SLCO3A1: variants seen among roughly 807,000 people sequenced by gnomAD.
The protein encoded by SLCO3A1 is solute carrier organic anion transporter family member 3A1.
Under a neutral mutation model 63.1 loss-of-function variants are expected in SLCO3A1, and 27 were observed. The observed-to-expected ratio is 0.43, with a 90% confidence interval of 0.32 to 0.59. The LOEUF is 0.59. SLCO3A1 is among the 20% of genes least tolerant of loss of function. The pLI is 0.09. For missense variants in SLCO3A1, 773 were observed against 945.8 expected (o/e 0.82, Z 2.40); for synonymous variants, 473 against 409.9 (o/e 1.15, Z -1.86).
intron 2 of SLCO3A1, among the ~76,000 whole-genome samples, chr15:92,029,507 G>A (rs904223887): frequency 1.1e-4 from 17 of 152,310 alleles, no homozygotes; most frequent in Admixed American, 4.6e-4. Context: ...AGACTCATGT[G>A]AACATTTGTT....
rs747889224 is a variant in SLCO3A1 at position 91,880,397 on chromosome 15, C to CTGTGTGTGTGTGTGTGTG, written c.180+26310_180+26311insGTGTGTGTGTGTGTGTGT. The stretch of plus-strand genomic sequence containing the variant: ...CACTCGTGCTTCTCTCTCTCTCTCT[C>CTGTGTGTGTGTGTGTGTG]TCTCTCTCTCTCTGTGTGTGTGTGT... On this transcript the variant is annotated intron_variant, in intron 1 of 9. Transcript: ENST00000318445. 1.9e-3 allele frequency among the ~76,000 whole-genome samples: 178 copies of CTGTGTGTGTGTGTGTGTG among 94,192 alleles called. 1 individual carries two copies. The highest frequency in any genetic ancestry group is 5.7e-3 in the African/African-American group (169 of 29,640). 61.8% of individuals were successfully genotyped at this position (94,192 alleles called of 152,430 possible).
rs1407581669 is a variant in SLCO3A1 at position 91,885,646 on chromosome 15, T to C, written c.181-30347T>C. On this transcript the variant is annotated intron_variant, in intron 1 of 9. Transcript: ENST00000318445. The surrounding 1 kb of genome is among the most constrained non-coding windows in gnomAD (Gnocchi z 4.7). ...TGATGGCCCTTGAACAAGTGCATCATTCTCTGTCCTTGATTTCATTCACAG... is the reference window on the plus strand; with the variant it reads ...TGATGGCCCTTGAACAAGTGCATCACTCTCTGTCCTTGATTTCATTCACAG... Among the ~76,000 whole-genome samples the C allele has an allele frequency of 2.0e-5, 3 of 152,224 alleles. No individual in the cohort carries two copies. Among genetic ancestry groups the C allele is most frequent in the African/African-American group, 7.2e-5 (3 of 41,456 alleles).
chr15:92,063,295 G>T (rs1398266576), intron 2 of SLCO3A1, among the ~76,000 whole-genome samples: 1 of 152,164 alleles, frequency 6.6e-6, no homozygotes, highest in Non-Finnish European at 1.5e-5. Context: ...ACCCATTTCA[G>T]TCCAAACCCT....
chr15:92,068,337 C>T (rs1468237922), intron 2 of SLCO3A1, among the ~76,000 whole-genome samples: 1 of 151,256 alleles, frequency 6.6e-6, no homozygotes, highest in Non-Finnish European at 1.5e-5. Flanking sequence ...CACCTTACTC[C>T]CACTTTCAGA....
intron 7 of SLCO3A1, among the ~76,000 whole-genome samples, chr15:92,145,155 G>A (rs1448739766): frequency 6.6e-6 from 1 of 152,142 alleles, no homozygotes. Context: ...GGGATATGGA[G>A]CCCACTGAAG....
intron 2 of SLCO3A1, among the ~76,000 whole-genome samples, chr15:92,034,870 G>C (rs532663644): frequency 4.8e-4 from 73 of 152,074 alleles, no homozygotes; most frequent in Non-Finnish European, 9.6e-4. Context: ...CGTTAGTACT[G>C]ATAGCTCTAA....
intron 1 of SLCO3A1, among the ~76,000 whole-genome samples, chr15:91,880,123 GTCCGTCCGTCCA>G (rs1193614937): frequency 3.8e-4 from 44 of 117,316 alleles, no homozygotes; most frequent in Non-Finnish European, 5.5e-4. Flanking sequence ...CCGTCCGTCC[GTCCGTCCGTCCA>G]TCCATCCATC....
chr15:92,057,467 G>A (rs1282760188), intron 2 of SLCO3A1, among the ~76,000 whole-genome samples: 1 of 152,206 alleles, frequency 6.6e-6, no homozygotes, highest in Non-Finnish European at 1.5e-5. Flanking sequence ...AAAATACAGT[G>A]GATTTTCACT....
At chr15:92,129,598 A>C (rs1038177366) in intron 7 of SLCO3A1, among the ~76,000 whole-genome samples, 6 of 152,196 alleles carry the variant, frequency 3.9e-5, no homozygotes, top group Non-Finnish European at 8.8e-5. Context: ...TTTCTTAAGC[A>C]AGGGCCAGCA....
At chr15:92,019,469 G>A (rs533136805) in intron 2 of SLCO3A1, among the ~76,000 whole-genome samples, 2 of 152,292 alleles carry the variant, frequency 1.3e-5, no homozygotes, top group South Asian at 2.1e-4. Flanking sequence ...TATAAGCTTC[G>A]TTAATCACTG....
intron 2 of SLCO3A1, among the ~76,000 whole-genome samples, chr15:91,966,992 ATTT>A (rs879943866): frequency 6.8e-6 from 1 of 147,232 alleles, no homozygotes; most frequent in East Asian, 2.0e-4. Context: ...TTTTTTGGGG[ATTT>A]TTTTTTTTGA....
chr15:91,945,148 C>G (rs989578472), intron 2 of SLCO3A1, among the ~76,000 whole-genome samples: 2 of 151,984 alleles, frequency 1.3e-5, no homozygotes, highest in African/African-American at 2.4e-5. Context: ...TTCGAGACAC[C>G]CTGACCAACA....
Position 91,854,242 on chromosome 15 carries a change from C to G in SLCO3A1, c.180+154C>G. ...TGGCGAGTGGTGCAGAGGCGGCCGC[C>G]GGGGGAGCTGCCGGCCGGGGCTGCC... On this transcript the variant is annotated intron_variant, in intron 1 of 9. Transcript: ENST00000318445. The surrounding 1 kb of genome is among the most constrained non-coding windows in gnomAD (Gnocchi z 6.4). 9.3e-7 allele frequency: 1 copy of G among 1,075,540 alleles called. No individual in the cohort carries two copies. The highest frequency in any genetic ancestry group is 1.2e-6 in the Non-Finnish European group (1 of 863,758). The allele number at this position is 1,075,540 out of a possible 1,614,324, so 66.6% of individuals were successfully genotyped here. A position where few individuals can be genotyped will look rare whatever the true frequency, so the allele number is the denominator to read the frequency against.
chr15:91,937,231 T>TA (rs1380254630), intron 2 of SLCO3A1, among the ~76,000 whole-genome samples: 1 of 152,196 alleles, frequency 6.6e-6, no homozygotes, highest in Admixed American at 6.5e-5. Flanking sequence ...ATGGCGTTAA[T>TA]AAGGACTCCT....
At chr15:92,086,702 G>A (rs375962285) in intron 2 of SLCO3A1, among the ~76,000 whole-genome samples, 2 of 152,050 alleles carry the variant, frequency 1.3e-5, no homozygotes, top group South Asian at 2.1e-4. Context: ...TCAGCCGGGC[G>A]CAGTGGCTCA....
chr15:91,858,123 T>A (rs1231653912), intron 1 of SLCO3A1, among the ~76,000 whole-genome samples: 1 of 152,150 alleles, frequency 6.6e-6, no homozygotes, highest in African/African-American at 2.4e-5. Flanking sequence ...TCCTTTTTTT[T>A]TTCTAAAGAA....
intron 2 of SLCO3A1, among the ~76,000 whole-genome samples, chr15:92,068,662 C>G (rs1878558): frequency 0.12 from 18,739 of 152,222 alleles, 1,327 homozygotes; most frequent in East Asian, 0.27. Flanking sequence ...TAAAGCAAGC[C>G]TCTGAACATG....
At chr15:91,957,852 G>A (rs1046395789) in intron 2 of SLCO3A1, among the ~76,000 whole-genome samples, 7 of 152,104 alleles carry the variant, frequency 4.6e-5, no homozygotes, top group African/African-American at 1.2e-4. Flanking sequence ...TCATAAAGAC[G>A]AGGACTTCAT....
intron 2 of SLCO3A1, among the ~76,000 whole-genome samples, chr15:92,073,629 A>G (rs921103083): frequency 6.6e-6 from 1 of 152,216 alleles, no homozygotes; most frequent in South Asian, 2.1e-4. Context: ...TTTGAGATCA[A>G]TTGCACTTCG....
Sources: gnomAD v4.1 joint callset for allele counts (sites outside exome capture counted in the v4.1 genomes callset) on GRCh38, gnomAD v4.1.1 for gene constraint, Gnocchi (gnomAD v3.1) non-coding constraint, MANE v1.5 for transcripts, NCBI Gene and HGNC (gene_info 2026-07-23, HGNC 2026-07-21) for gene names.